Variants in CYLD observed in about 807,000 individuals in gnomAD.
CYLD encodes the protein ubiquitin carboxyl-terminal hydrolase CYLD.
A neutral mutation model predicts 104.5 loss-of-function variants in CYLD; 26 were observed. The observed-to-expected ratio is 0.25, with a 90% CI of 0.18 to 0.35. The LOEUF (loss-of-function observed/expected upper bound fraction) is 0.35. Among genes scored for constraint, CYLD ranks in the 10% least tolerant of loss-of-function variants. CYLD has a pLI of 1.00. For missense variants in CYLD, 703 were observed against 1,136.1 expected (o/e 0.62, Z 5.48); for synonymous variants, 385 against 399.9 (o/e 0.96, Z 0.45).
intron 12 of CYLD, chr16:50,784,694 G>A (rs1970628826): frequency 2.3e-6 from 1 of 427,112 alleles, no homozygotes. Flanking sequence ...TATTTTGCTA[G>A]AGTAAACTAT....
intron 1 of CYLD, chr16:50,742,474 G>T (rs938571323): frequency 3.2e-5 from 9 of 284,312 alleles, no homozygotes; most frequent in African/African-American, 2.0e-4. Context: ...AGCGTGCGGG[G>T]TCGCCACCAT....
At position 50,780,051 on chromosome 16, in the gene CYLD, T is replaced by A; in HGVS notation, c.1518+7T>A. On this transcript the variant is annotated splice_region_variant and intron_variant, in intron 9 of 18. Transcript: ENST00000427738. Reference sequence around the variant, plus strand: ...GCTCGCTGGACTGGAACTGGTAATTTAACTTGACCCAAAAATTTCAATTTT... The same window carrying A: ...GCTCGCTGGACTGGAACTGGTAATTAAACTTGACCCAAAAATTTCAATTTT... The A allele has an allele frequency of 6.2e-7, 1 of 1,613,908 alleles. No individual in the cohort carries two copies. Among genetic ancestry groups the A allele is most frequent in the Non-Finnish European group, 8.5e-7 (1 of 1,179,954 alleles).
rs73584473 is a variant in CYLD at position 50,775,991 on chromosome 16, C to G, written c.923-188C>G. Among the ~76,000 whole-genome samples the G allele has an allele frequency of 0.039, 6,009 of 152,198 alleles. 355 individuals carry two copies. Among genetic ancestry groups the G allele is most frequent in the African/African-American group, 0.13 (5,321 of 41,500 alleles). ...CTTATAGAAATTACATTTTGAAATA[C>G]AGCATTGGTTTTTTCCCCCATAGTA... On this transcript the variant is annotated intron_variant, in intron 6 of 18. Coordinates refer to ENST00000427738, the MANE Select transcript of CYLD (RefSeq NM_001378743.1).
intron 14 of CYLD, 120 bp from the exon 15 acceptor site, chr16:50,791,438 A>C: frequency 1.0e-6 from 1 of 1,003,790 alleles, no homozygotes; most frequent in East Asian, 2.5e-5. Flanking sequence ...CTGACTATCC[A>C]AAGCTACACC....
In CYLD at chr16:50,800,883, G is replaced by A. The variant is rs1165851861; in HGVS notation, c.*4375G>A. 1.7e-5 allele frequency: 4 copies of A among 233,196 alleles called. No individual in the cohort carries two copies. Among genetic ancestry groups the A allele is most frequent in the East Asian group, 6.0e-5 (1 of 16,738 alleles). 14.4% of individuals were successfully genotyped at this position (233,196 alleles called of 1,614,324 possible). On this transcript the variant is annotated 3_prime_UTR_variant, in exon 19 of 19. Transcript: ENST00000427738. ...AATTCCCCAAAGCAGGTGAGGAGTC[G>A]GGGAGGAGAAAGCGATGTTAAAATG...
intron 8 of CYLD, 87 bp downstream of exon 8, chr16:50,778,028 T>A: frequency 1.3e-6 from 1 of 797,556 alleles, no homozygotes; most frequent in South Asian, 1.4e-5. Context: ...ATATTTGTAG[T>A]TTTTGGAAAC....
At chr16:50,746,844 T>A (rs150632011) in intron 2 of CYLD, among the ~76,000 whole-genome samples, 1 of 151,896 alleles carries the variant, frequency 6.6e-6, no homozygotes, top group African/African-American at 2.4e-5. Flanking sequence ...GTCTTAATAA[T>A]AGATTATTAG....
At position 50,798,308 on chromosome 16, in the gene CYLD, G is replaced by A. The variant is rs1350505458; in HGVS notation, c.*1800G>A. 3.0e-5 allele frequency: 7 copies of A among 231,316 alleles called. No individual in the cohort carries two copies. The highest frequency in any genetic ancestry group is 1.3e-4 in the African/African-American group (6 of 45,198). The allele number at this position is 231,316 out of a possible 1,614,324, so 14.3% of individuals were successfully genotyped here. A position where few individuals can be genotyped will look rare whatever the true frequency, so the allele number is the denominator to read the frequency against. ...TCAACCAACTGCAAATGGAAAATAC[G>A]ATTTTTTTTAAAAAAAGGATGGTTA... On this transcript the variant is annotated 3_prime_UTR_variant, in exon 19 of 19. Coordinates refer to ENST00000427738, the MANE Select transcript of CYLD (RefSeq NM_001378743.1).
intron 5 of CYLD, among the ~76,000 whole-genome samples, chr16:50,756,271 C>T (rs114327647): frequency 0.012 from 1,772 of 152,184 alleles, 34 homozygotes; most frequent in African/African-American, 0.04. Context: ...TTAGAAGGAT[C>T]GGAAAATGTA....
At chr16:50,782,967 C>T (rs1242613419) in intron 11 of CYLD, among the ~76,000 whole-genome samples, 3 of 146,770 alleles carry the variant, frequency 2.0e-5, no homozygotes, top group South Asian at 2.2e-4. Context: ...CTCTGTCCCC[C>T]AGGCTGGAAT....
At chr16:50,784,154 A>G (rs1055155059) in intron 11 of CYLD, 175 bp from the exon 12 acceptor site, 1 of 619,084 alleles carries the variant, frequency 1.6e-6, no homozygotes, top group Non-Finnish European at 2.8e-6. Flanking sequence ...GGTCCTGATG[A>G]TTGAACCATG....
At chr16:50,774,471 A>G (rs565328320) in intron 5 of CYLD, among the ~76,000 whole-genome samples, 47 of 152,360 alleles carry the variant, frequency 3.1e-4, no homozygotes, top group African/African-American at 1.1e-3. Flanking sequence ...ATTGAAAACA[A>G]TAATCAGAGA....
chr16:50,792,009 C>A (rs1481454758), intron 15 of CYLD, among the ~76,000 whole-genome samples: 5 of 152,094 alleles, frequency 3.3e-5, no homozygotes, highest in Non-Finnish European at 7.4e-5. Flanking sequence ...AGCATATTAT[C>A]CAAATACATC....
chr16:50,779,138 A>G (rs1294387599), intron 8 of CYLD, among the ~76,000 whole-genome samples: 1 of 151,230 alleles, frequency 6.6e-6, no homozygotes, highest in African/African-American at 2.4e-5. Context: ...TGTTCTTTTA[A>G]CTTCCCAAGT....
At chr16:50,792,483 G>A (rs779234635) in intron 15 of CYLD, 114 bp from the exon 16 acceptor site, 1 of 712,930 alleles carries the variant, frequency 1.4e-6, no homozygotes, top group Non-Finnish European at 2.5e-6. Flanking sequence ...TGTTTCATAG[G>A]ACACCAATAT....
At chr16:50,753,111 G>C (rs972194843) in intron 4 of CYLD, among the ~76,000 whole-genome samples, 1 of 152,136 alleles carries the variant, frequency 6.6e-6, no homozygotes, top group Admixed American at 6.5e-5. Context: ...ATGGTTTCCT[G>C]TGCTTGAAAA....
chr16:50,743,354 G>T (rs1965885078), intron 2 of CYLD, among the ~76,000 whole-genome samples: 1 of 152,144 alleles, frequency 6.6e-6, no homozygotes, highest in Non-Finnish European at 1.5e-5. Context: ...GCAGTAGGTG[G>T]ATTTGAACTA....
At chr16:50,780,867 G>A (rs1227298304) in intron 9 of CYLD, among the ~76,000 whole-genome samples, 3 of 151,088 alleles carry the variant, frequency 2.0e-5, no homozygotes, top group Non-Finnish European at 4.4e-5. Context: ...TTCCATGCTA[G>A]TGAATACTAT....
rs886052053 is a variant in CYLD, at chr16:50,796,976, A to C, written c.*468A>C. 8 of 281,064 alleles carry C rather than the reference A, an allele frequency of 2.8e-5. No homozygotes were observed. Among genetic ancestry groups the C allele is most frequent in the Non-Finnish European group, 4.8e-5 (7 of 145,990 alleles). 17.4% of individuals were successfully genotyped at this position (281,064 alleles called of 1,614,324 possible). Reference sequence around the variant, plus strand: ...TTAAGAGTCTACTCTCAATCCAGTTATTAGAGATGTACTGAGTTTGATTTG... The same window carrying C: ...TTAAGAGTCTACTCTCAATCCAGTTCTTAGAGATGTACTGAGTTTGATTTG... On this transcript the variant is annotated 3_prime_UTR_variant, in exon 19 of 19. Transcript: ENST00000427738.
Sources: allele counts gnomAD v4.1 joint callset (sites outside exome capture counted in the v4.1 genomes callset), GRCh38; gene constraint gnomAD v4.1.1; transcripts MANE v1.5; gene names NCBI Gene and HGNC (gene_info 2026-07-23, HGNC 2026-07-21).